TASP1: variants seen among roughly 807,000 people sequenced by gnomAD.
TASP1 encodes taspase 1, also known as threonine aspartase 1.
A neutral mutation model predicts 56.6 loss-of-function variants in TASP1; 16 were observed. The ratio of observed to expected loss-of-function variants is 0.28; its 90% confidence interval spans 0.19 to 0.43. The LOEUF (loss-of-function observed/expected upper bound fraction) is 0.43. Among genes scored for constraint, TASP1 ranks in the 20% least tolerant of loss-of-function variants. TASP1 has a pLI of 1.00. For synonymous variants in TASP1, 179 were observed against 184.2 expected (o/e 0.97, Z 0.23); for missense variants, 393 against 511.6 (o/e 0.77, Z 2.24).
chr20:13,526,545 T>C (rs1234519779), intron 10 of TASP1, among the ~76,000 whole-genome samples: 1 of 152,234 alleles, frequency 6.6e-6, no homozygotes, highest in Non-Finnish European at 1.5e-5. Flanking sequence ...TATTACATTA[T>C]GCTCATTTCT....
At chr20:13,182,757 T>C in the TASP1 span, among the ~76,000 whole-genome samples, 6 of 152,180 alleles carry the variant, frequency 3.9e-5, no homozygotes, top group Non-Finnish European at 8.8e-5. Flanking sequence ...AATTAATAAA[T>C]GAATGAGTGA....
intron 3 of TASP1, 138 bp from the exon 4 acceptor site, chr20:13,623,652 T>C (rs542431037): frequency 3.5e-6 from 2 of 578,986 alleles, no homozygotes; most frequent in East Asian, 5.7e-5. Context: ...AGACATAAAC[T>C]ACTCAGATTA....
Position 13,503,327 on chromosome 20 carries a change from T to C in TASP1, c.875-19990A>G, listed in dbSNP as rs931717511. 2.6e-5 allele frequency among the ~76,000 whole-genome samples: 4 copies of C among 152,066 alleles called. No individual in the cohort carries two copies. The South Asian group carries it at 8.3e-4, about 32-fold the overall frequency. On this transcript the variant is annotated intron_variant, in intron 10 of 13. Coordinates refer to ENST00000337743, the MANE Select transcript of TASP1 (RefSeq NM_017714.3). ...GGCAAATAGAAGTGTCTTGTGCAGA[T>C]AGCCAGCTCAACTCTGCAGGATTGA...
chr20:13,359,947 C>G, the TASP1 span, among the ~76,000 whole-genome samples: 34 of 152,106 alleles, frequency 2.2e-4, no homozygotes, highest in Non-Finnish European at 4.3e-4. Flanking sequence ...CACTCAATGC[C>G]AATATCCCAT....
At chr20:13,634,683 T>C (rs1430844839) in intron 1 of TASP1, among the ~76,000 whole-genome samples, 4 of 143,298 alleles carry the variant, frequency 2.8e-5, no homozygotes, top group Non-Finnish European at 4.6e-5. Flanking sequence ...TGAGTCAAGA[T>C]TGCGCCACTG....
At chr20:13,466,462 T>A (rs569200668) in intron 11 of TASP1, among the ~76,000 whole-genome samples, 2 of 152,214 alleles carry the variant, frequency 1.3e-5, no homozygotes, top group South Asian at 4.1e-4. Flanking sequence ...AAAAGCCACC[T>A]CTGGCTGGGC....
At chr20:13,390,515 A>C in intron 13 of TASP1, 63 bp from the exon 14 acceptor site, 1 of 1,462,948 alleles carries the variant, frequency 6.8e-7, no homozygotes, top group Non-Finnish European at 9.5e-7. Context: ...CCACACCCCT[A>C]CCCGTGTCCA....
At chr20:13,474,957 G>A (rs1448162338) in intron 11 of TASP1, among the ~76,000 whole-genome samples, 1 of 151,578 alleles carries the variant, frequency 6.6e-6, no homozygotes, top group African/African-American at 2.4e-5. Flanking sequence ...TCATGTTCTT[G>A]GTCTACTTTT....
At chr20:13,191,271 G>A in the TASP1 span, among the ~76,000 whole-genome samples, 3 of 152,018 alleles carry the variant, frequency 2.0e-5, no homozygotes, top group African/African-American at 7.2e-5. Context: ...ATCAGCTCTC[G>A]GACGAGGTAT....
chr20:13,154,138 C>T, the TASP1 span: 23 of 1,613,910 alleles, frequency 1.4e-5, no homozygotes, highest in Non-Finnish European at 1.2e-5. Context: ...GGTAAAGTAG[C>T]GTAAGTATCC....
intron 11 of TASP1, among the ~76,000 whole-genome samples, chr20:13,437,372 G>C (rs1203617445): frequency 6.6e-6 from 1 of 152,118 alleles, no homozygotes; most frequent in Non-Finnish European, 1.5e-5. Flanking sequence ...AATAATAAGA[G>C]CTATCTATGA....
At chr20:13,232,657 G>T in the TASP1 span, among the ~76,000 whole-genome samples, 2 of 152,216 alleles carry the variant, frequency 1.3e-5, no homozygotes, top group Admixed American at 6.5e-5. Context: ...GAGCAGAATG[G>T]TTGGATCATA....
intron 4 of TASP1, chr20:13,600,602 G>A (rs142372074): frequency 6.6e-6 from 1 of 152,256 alleles, no homozygotes; most frequent in East Asian, 1.9e-4. Context: ...ACATGTAGGG[G>A]TTAAAACTAT....
the TASP1 span, among the ~76,000 whole-genome samples, chr20:13,360,540 C>T: frequency 6.6e-6 from 1 of 152,092 alleles, no homozygotes; most frequent in African/African-American, 2.4e-5. Flanking sequence ...CACCCTGTAG[C>T]CTTTCTGTCC....
At chr20:13,266,059 C>T in the TASP1 span, among the ~76,000 whole-genome samples, 48 of 152,278 alleles carry the variant, frequency 3.2e-4, no homozygotes, top group African/African-American at 1.1e-3. Flanking sequence ...AATCTGAAAA[C>T]TCCTTTGCAG....
chr20:13,498,331 TTGTGTGTGTGTGTGTGTGTGTG>T (rs60099056), intron 10 of TASP1, among the ~76,000 whole-genome samples: 3,854 of 135,114 alleles, frequency 0.029, 78 homozygotes, highest in Middle Eastern at 0.056. Context: ...TTCTTTTCTT[TTGTGTGTGTGTGTGTGTGTGTG>T]TGTGTGTGTG....
Position 13,532,506 on chromosome 20 carries a change from C to T in TASP1, c.795+1516G>A, listed in dbSNP as rs112857766. ...CTGCATTTTCATATAAGCCCTTTTA[C>T]TCCTTTCTTCCACACTCTTTCCTGA... On this transcript the variant is annotated intron_variant, in intron 9 of 13. Transcript: ENST00000337743. Among the ~76,000 whole-genome samples, 5 of 151,988 alleles carry T rather than the reference C, an allele frequency of 3.3e-5. No individual in the cohort carries two copies. In the South Asian group the frequency reaches 8.3e-4, roughly 25 times the overall value.
At chr20:13,328,268 C>T in the TASP1 span, among the ~76,000 whole-genome samples, 1 of 152,122 alleles carries the variant, frequency 6.6e-6, no homozygotes, top group Admixed American at 6.5e-5. Flanking sequence ...TACCATCTCA[C>T]GCCCGTCAGA....
chr20:13,440,187 C>T (rs1453284359), intron 11 of TASP1, among the ~76,000 whole-genome samples: 1 of 151,988 alleles, frequency 6.6e-6, no homozygotes, highest in Non-Finnish European at 1.5e-5. Flanking sequence ...CTATATTCAG[C>T]CAAAAGGTCA....
Sources: gnomAD v4.1 joint callset for allele counts (sites outside exome capture counted in the v4.1 genomes callset) on GRCh38, gnomAD v4.1.1 for gene constraint, MANE v1.5 for transcripts, NCBI Gene and HGNC (gene_info 2026-07-23, HGNC 2026-07-21) for gene names.